Variants in GPM6A observed in about 807,000 individuals in gnomAD.
GPM6A encodes glycoprotein M6A.
Under a neutral mutation model 32.1 loss-of-function variants are expected in GPM6A, and 7 were observed. The observed-to-expected ratio is 0.22, with a 90% confidence interval of 0.12 to 0.41. The LOEUF (loss-of-function observed/expected upper bound fraction) is 0.41. Ranked by LOEUF, GPM6A falls within the 10% of genes least tolerant of loss-of-function variation. The pLI is 1.00. For missense variants in GPM6A, 235 were observed against 347.2 expected (o/e 0.68, Z 2.57); for synonymous variants, 130 against 123.4 (o/e 1.05, Z -0.35).
At chr4:175,786,201 A>G (rs1344869434) in intron 1 of GPM6A, among the ~76,000 whole-genome samples, 1 of 152,130 alleles carries the variant, frequency 6.6e-6, no homozygotes, top group Non-Finnish European at 1.5e-5. Flanking sequence ...CTGGGACACT[A>G]CAAACACCAT....
At chr4:175,760,109 G>C (rs966906258) in intron 1 of GPM6A, among the ~76,000 whole-genome samples, 2 of 152,120 alleles carry the variant, frequency 1.3e-5, no homozygotes, top group African/African-American at 4.8e-5. Flanking sequence ...CTGGGAGGTG[G>C]AGGTTGCAGT....
intron 3 of GPM6A, among the ~76,000 whole-genome samples, chr4:175,664,444 A>C (rs765640267): frequency 4.6e-5 from 7 of 152,200 alleles, no homozygotes; most frequent in Non-Finnish European, 1.0e-4. Context: ...AAGAAAAAGG[A>C]GTATATGTGA....
chr4:175,700,288 T>C (rs905001404), intron 2 of GPM6A, among the ~76,000 whole-genome samples: 3 of 152,210 alleles, frequency 2.0e-5, no homozygotes, highest in Non-Finnish European at 2.9e-5. Flanking sequence ...GAAAATTACT[T>C]TGAAAAATAC....
chr4:175,808,979 G>A (rs62338072), intron 1 of GPM6A, among the ~76,000 whole-genome samples: 2,795 of 152,072 alleles, frequency 0.018, 52 homozygotes, highest in Middle Eastern at 0.031. Flanking sequence ...CAGTTTTGTT[G>A]CTCCCTTTAC....
chr4:175,637,649 AAAATATAAAATATATAAT>A (rs1740826013), intron 6 of GPM6A, among the ~76,000 whole-genome samples: 1 of 19,352 alleles, frequency 5.2e-5, no homozygotes, highest in African/African-American at 8.4e-5. Context: ...TATATTATAT[AAAATATAAAATATATAAT>A]ATATATAATA....
rs535673233 is a variant in GPM6A at position 175,864,753 on chromosome 4, T to C, written c.-22-52504A>G. ...CACTGAGATTTTCTTCTGCGTTTTC[T>C]TCTAGAAATTTCTATTTGGTGTTCT... On this transcript the variant is annotated intron_variant, in intron 1 of 7. Coordinates refer to the GPM6A transcript ENST00000280187. Among the ~76,000 whole-genome samples the C allele has an allele frequency of 3.3e-5, 5 of 152,296 alleles. No individual in the cohort carries two copies. The Middle Eastern group carries it at 0.014, about 414-fold the overall frequency.
rs1042895957 is a variant in GPM6A, at chr4:175,865,293, T to C, written c.-22-53044A>G. The stretch of plus-strand genomic sequence containing the variant: ...CTGGGCTCTCTAGTGTTCTCCACTG[T>C]TCTGTATTCTAACATTATGGCAATA... On this transcript the variant is annotated intron_variant, in intron 1 of 7. Transcript: ENST00000280187. Among the ~76,000 whole-genome samples, 7 of 152,234 alleles carry C rather than the reference T, an allele frequency of 4.6e-5. No individual in the cohort carries two copies. The East Asian group carries it at 5.8e-4, about 13-fold the overall frequency.
At chr4:175,669,423 A>G (rs1327430199) in intron 3 of GPM6A, among the ~76,000 whole-genome samples, 1 of 152,146 alleles carries the variant, frequency 6.6e-6, no homozygotes, top group Non-Finnish European at 1.5e-5. Context: ...AGGTTTTGTA[A>G]TATTTGCATT....
intron 1 of GPM6A, among the ~76,000 whole-genome samples, chr4:175,918,216 T>C (rs1440794851): frequency 6.6e-6 from 1 of 152,090 alleles, no homozygotes; most frequent in Non-Finnish European, 1.5e-5. Flanking sequence ...GATAACCATA[T>C]GTGCAAGCTA....
chr4:175,909,418 T>C (rs1448828020), intron 1 of GPM6A, among the ~76,000 whole-genome samples: 1 of 152,136 alleles, frequency 6.6e-6, no homozygotes, highest in African/African-American at 2.4e-5. Context: ...AGTGTAAATA[T>C]AGAGTAAGTT....
In GPM6A at chr4:175,706,500, T is replaced by C. The variant is rs1048996992; in HGVS notation, c.38-4733A>G. On this transcript the variant is annotated intron_variant, in intron 1 of 6. Transcript: ENST00000393658. ...GACAGGAGAGGTTGAGAAGTGAGAT[T>C]TACAATAGACTGACAATTGACTCAT... is the stretch of plus-strand genomic sequence containing the variant. 6.6e-5 allele frequency among the ~76,000 whole-genome samples: 10 copies of C among 152,286 alleles called. No homozygotes were observed. In the South Asian group the frequency reaches 2.1e-3, roughly 32 times the overall value.
At chr4:175,805,941 TA>T (rs1413339558) in intron 1 of GPM6A, 7 of 152,212 alleles carry the variant, frequency 4.6e-5, no homozygotes, top group African/African-American at 1.7e-4. Flanking sequence ...AGAAGTAAGT[TA>T]CTGTTGGATT....
At chr4:175,872,837 T>C (rs1736954369) in intron 1 of GPM6A, 1 of 152,186 alleles carries the variant, frequency 6.6e-6, no homozygotes, top group African/African-American at 2.4e-5. Flanking sequence ...TTTACACTTC[T>C]GTGAAACCAA....
intron 1 of GPM6A, chr4:176,002,261 C>T (rs1741509694): frequency 6.3e-7 from 1 of 1,585,464 alleles, no homozygotes; most frequent in Non-Finnish European, 8.6e-7. Flanking sequence ...TGCCCATTCC[C>T]GAGGCCGAGC....
At chr4:175,750,321 G>C (rs1211915202) in intron 1 of GPM6A, among the ~76,000 whole-genome samples, 1 of 152,124 alleles carries the variant, frequency 6.6e-6, no homozygotes, top group African/African-American at 2.4e-5. Context: ...GCCTCTTAAA[G>C]AGTTGGGATT....
chr4:175,664,514 T>G (rs2110956262), intron 3 of GPM6A, among the ~76,000 whole-genome samples: 1 of 152,322 alleles, frequency 6.6e-6, no homozygotes, highest in South Asian at 2.1e-4. Context: ...AAAATAAAGT[T>G]AACTTTTAAA....
intron 2 of GPM6A, among the ~76,000 whole-genome samples, chr4:175,700,214 TA>T (rs111252568): frequency 1.5e-4 from 23 of 151,434 alleles, no homozygotes; most frequent in African/African-American, 2.7e-4. Context: ...CTTTAATAAA[TA>T]AAAAAAAATT....
intron 6 of GPM6A, among the ~76,000 whole-genome samples, chr4:175,637,640 ATATT>A (rs1315457661): frequency 2.3e-5 from 1 of 43,720 alleles, no homozygotes; most frequent in Non-Finnish European, 4.6e-5. Flanking sequence ...TATATATTAT[ATATT>A]ATATAAAATA....
chr4:175,673,594 C>A, intron 3 of GPM6A, 86 bp downstream of exon 3: 3 of 918,174 alleles, frequency 3.3e-6, no homozygotes, highest in South Asian at 2.8e-5. Flanking sequence ...AAAAAAAATA[C>A]TTTAATTCTT....
Sources: allele counts gnomAD v4.1 joint callset (sites outside exome capture counted in the v4.1 genomes callset), GRCh38; gene constraint gnomAD v4.1.1; transcripts MANE v1.5; gene names NCBI Gene and HGNC (gene_info 2026-07-23, HGNC 2026-07-21).